SLC2A13: variants seen among roughly 807,000 people sequenced by gnomAD.
SLC2A13 encodes the protein solute carrier family 2 member 13.
A neutral mutation model predicts 64.4 loss-of-function variants in SLC2A13; 32 were observed. That is an observed-to-expected ratio of 0.50 (90% CI 0.37 to 0.67). The LOEUF (loss-of-function observed/expected upper bound fraction) is 0.67. Ranked by LOEUF, SLC2A13 falls within the 30% of genes least tolerant of loss-of-function variation. The pLI is 0.00. For synonymous variants in SLC2A13, 338 were observed against 327.1 expected, an observed-to-expected ratio of 1.03 and a Z score of -0.36; for missense variants, 743 against 829.2, an observed-to-expected ratio of 0.90 and a Z score of 1.28.
intron 7 of SLC2A13, among the ~76,000 whole-genome samples, chr12:39,819,159 A>C (rs1942420831): frequency 6.6e-6 from 1 of 152,202 alleles, no homozygotes; most frequent in Non-Finnish European, 1.5e-5. Context: ...CATGTATCAC[A>C]CTTGCAGTCT....
At chr12:39,821,079 T>C (rs912012545) in intron 7 of SLC2A13, among the ~76,000 whole-genome samples, 1 of 152,072 alleles carries the variant, frequency 6.6e-6, no homozygotes, top group African/African-American at 2.4e-5. Flanking sequence ...CACTGCCCTG[T>C]ACTATTATTT....
At chr12:39,824,064 AC>A (rs1215830398) in intron 7 of SLC2A13, among the ~76,000 whole-genome samples, 1 of 152,224 alleles carries the variant, frequency 6.6e-6, no homozygotes, top group Non-Finnish European at 1.5e-5. Flanking sequence ...TGGATTGAAT[AC>A]TTGATGTATA....
intron 6 of SLC2A13, among the ~76,000 whole-genome samples, chr12:39,854,804 A>G (rs1333617698): frequency 6.6e-6 from 1 of 152,034 alleles, no homozygotes; most frequent in Admixed American, 6.6e-5. Flanking sequence ...CAAGCTTTAT[A>G]ATTTTCTTGA....
intron 3 of SLC2A13, among the ~76,000 whole-genome samples, chr12:40,024,054 C>A (rs1366129878): frequency 2.6e-5 from 4 of 152,332 alleles, no homozygotes; most frequent in Non-Finnish European, 5.9e-5. Context: ...TGAAGCTAAG[C>A]AGAAAAGTTT....
At chr12:39,892,380 C>T (rs554176787) in intron 4 of SLC2A13, among the ~76,000 whole-genome samples, 1 of 152,278 alleles carries the variant, frequency 6.6e-6, no homozygotes, top group East Asian at 1.9e-4. Flanking sequence ...TTGGAACTGT[C>T]TGGCCCGGCC....
intron 4 of SLC2A13, among the ~76,000 whole-genome samples, chr12:39,877,069 T>G (rs1219922483): frequency 6.6e-6 from 1 of 152,178 alleles, no homozygotes; most frequent in Admixed American, 6.5e-5. Flanking sequence ...TGCCATTACA[T>G]TAAAAGAGGT....
chr12:39,767,720 G>A (rs1208234301), intron 7 of SLC2A13, among the ~76,000 whole-genome samples: 5 of 152,060 alleles, frequency 3.3e-5, no homozygotes, highest in African/African-American at 1.2e-4. Context: ...CCACGTTGTG[G>A]GAGAAACCCA....
intron 1 of SLC2A13, among the ~76,000 whole-genome samples, chr12:40,060,436 A>G (rs17518190): frequency 0.016 from 2,493 of 152,234 alleles, 85 homozygotes; most frequent in African/African-American, 0.057. Flanking sequence ...TTATCTTCAT[A>G]CTTATGGAAA....
intron 2 of SLC2A13, among the ~76,000 whole-genome samples, chr12:40,035,508 C>G (rs11564200): frequency 6.6e-6 from 1 of 152,200 alleles, no homozygotes; most frequent in Non-Finnish European, 1.5e-5. Flanking sequence ...GACATGCACC[C>G]TGATGACTGA....
intron 6 of SLC2A13, among the ~76,000 whole-genome samples, chr12:39,861,089 T>C (rs1349527461): frequency 6.6e-6 from 1 of 152,250 alleles, no homozygotes; most frequent in Non-Finnish European, 1.5e-5. Flanking sequence ...CGTTCCTTAC[T>C]GCCTTGCAGG....
chr12:39,905,163 C>T (rs1047587298), intron 4 of SLC2A13, among the ~76,000 whole-genome samples: 1 of 152,056 alleles, frequency 6.6e-6, no homozygotes, highest in African/African-American at 2.4e-5. Context: ...CTGTGAACAA[C>T]TAAGAAAAAT....
chr12:39,865,987 A>G (rs1029510966), intron 5 of SLC2A13, among the ~76,000 whole-genome samples: 1 of 152,224 alleles, frequency 6.6e-6, no homozygotes, highest in African/African-American at 2.4e-5. Flanking sequence ...ATATGTGTTA[A>G]CTTATATAAC....
At chr12:39,871,361 T>G (rs1290265290) in intron 5 of SLC2A13, among the ~76,000 whole-genome samples, 1 of 143,248 alleles carries the variant, frequency 7.0e-6, no homozygotes, top group Non-Finnish European at 1.5e-5. Context: ...GGTTCTAATA[T>G]TCCACTGCTG....
At chr12:39,951,099 T>A in intron 4 of SLC2A13, 158 bp downstream of exon 4, 1 of 535,410 alleles carries the variant, frequency 1.9e-6, no homozygotes, top group Non-Finnish European at 3.2e-6. Context: ...TTACTGGAAT[T>A]AAAAAATTGT....
rs149450478 is a variant in SLC2A13, at chr12:39,774,184, A to G, written c.1446-9326T>C. Among the ~76,000 whole-genome samples the G allele has an allele frequency of 1.4e-4, 21 of 152,338 alleles. No individual in the cohort carries two copies. In the East Asian group the frequency reaches 3.5e-3, roughly 25 times the overall value. On this transcript the variant is annotated intron_variant, in intron 7 of 9. Transcript: ENST00000280871. ...AAACGTACCTAGGAAAGCACAGAGT[A>G]TCTCTCCAGGATAGGACACCTTCAC...
At chr12:39,985,365 T>C (rs1164526175) in intron 3 of SLC2A13, among the ~76,000 whole-genome samples, 1 of 152,174 alleles carries the variant, frequency 6.6e-6, no homozygotes, top group Non-Finnish European at 1.5e-5. Flanking sequence ...CTGATGCAGA[T>C]TACCTCTGCT....
chr12:40,021,879 CAGA>C (rs748019876), intron 3 of SLC2A13, among the ~76,000 whole-genome samples: 16 of 152,224 alleles, frequency 1.1e-4, no homozygotes, highest in Non-Finnish European at 2.2e-4. Context: ...AAGAAACATA[CAGA>C]AGAATTTCTA....
chr12:39,917,669 C>T (rs909106298), intron 4 of SLC2A13, among the ~76,000 whole-genome samples: 4 of 152,018 alleles, frequency 2.6e-5, no homozygotes, highest in African/African-American at 7.3e-5. Context: ...GATTTACATC[C>T]GTGGCCTTGT....
intron 2 of SLC2A13, among the ~76,000 whole-genome samples, chr12:40,032,538 C>T (rs1281345860): frequency 6.6e-6 from 1 of 152,174 alleles, no homozygotes; most frequent in African/African-American, 2.4e-5. Flanking sequence ...CAACAAAGAA[C>T]AATCCCACCA....
Sources: allele counts gnomAD v4.1 joint callset (sites outside exome capture counted in the v4.1 genomes callset), GRCh38; gene constraint gnomAD v4.1.1; transcripts MANE v1.5; gene names NCBI Gene and HGNC (gene_info 2026-07-23, HGNC 2026-07-21).